Variants in CSMD1 observed in about 807,000 individuals in gnomAD.
CSMD1 encodes CUB and sushi domain-containing protein 1.
CSMD1 carries 213 observed loss-of-function variants against 417.5 expected under a neutral mutation model. That is an observed-to-expected ratio of 0.51 (90% CI 0.46 to 0.57). The LOEUF is 0.57. CSMD1 is among the 20% of genes least tolerant of loss of function. The pLI is 0.00. For synonymous variants in CSMD1, 2,862 were observed against 1,736.8 expected (o/e 1.65, Z -16.11); for missense variants, 6,923 against 4,529.7 (o/e 1.53, Z -15.17).
At chr8:4,612,492 C>A (rs1801234982) in intron 2 of CSMD1, among the ~76,000 whole-genome samples, 1 of 152,150 alleles carries the variant, frequency 6.6e-6, no homozygotes, top group African/African-American at 2.4e-5. Flanking sequence ...TGGAGATGAC[C>A]ACAACAGGCA....
intron 5 of CSMD1, among the ~76,000 whole-genome samples, chr8:3,838,557 GAT>G (rs368287244): frequency 3.0e-5 from 4 of 135,120 alleles, no homozygotes; most frequent in African/African-American, 1.1e-4. Context: ...ACTCTCTGTA[GAT>G]ATATATAGTC....
intron 2 of CSMD1, among the ~76,000 whole-genome samples, chr8:4,631,863 G>C (rs2616992): frequency 1.3e-5 from 2 of 152,064 alleles, no homozygotes; most frequent in African/African-American, 2.4e-5. Flanking sequence ...TATTTCCCTA[G>C]GCCTTGTATT....
intron 12 of CSMD1, among the ~76,000 whole-genome samples, chr8:3,456,052 A>T (rs1816105531): frequency 6.6e-6 from 1 of 152,068 alleles, no homozygotes; most frequent in African/African-American, 2.4e-5. Context: ...TTGCTATTTG[A>T]TCTGAGACTG....
At chr8:3,675,926 G>C (rs766400820) in intron 7 of CSMD1, among the ~76,000 whole-genome samples, 1 of 152,130 alleles carries the variant, frequency 6.6e-6, no homozygotes, top group Non-Finnish European at 1.5e-5. Context: ...CCCATCATTG[G>C]AGAGTAATGT....
intron 5 of CSMD1, among the ~76,000 whole-genome samples, chr8:3,786,081 G>A (rs1333882724): frequency 6.6e-6 from 1 of 152,112 alleles, no homozygotes; most frequent in Non-Finnish European, 1.5e-5. Flanking sequence ...AGGCCTCATT[G>A]AAAGACTGGG....
At chr8:4,122,607 G>A (rs1350121925) in intron 3 of CSMD1, among the ~76,000 whole-genome samples, 16 of 152,162 alleles carry the variant, frequency 1.1e-4, no homozygotes, top group Admixed American at 7.9e-4. Flanking sequence ...GGGCTCTTCT[G>A]CAGAGATGGA....
intron 26 of CSMD1, among the ~76,000 whole-genome samples, chr8:3,263,812 T>C (rs140509298): frequency 3.3e-5 from 5 of 152,334 alleles, no homozygotes; most frequent in Admixed American, 6.5e-5. Context: ...ACTAATAGTT[T>C]TGCTTTCATC....
intron 54 of CSMD1, among the ~76,000 whole-genome samples, chr8:2,981,650 G>A (rs1479726816): frequency 6.6e-6 from 1 of 152,122 alleles, no homozygotes; most frequent in African/African-American, 2.4e-5. Context: ...GATTTTGTCA[G>A]CTGGAAGGAA....
intron 10 of CSMD1, among the ~76,000 whole-genome samples, chr8:3,518,233 A>T (rs538749023): frequency 4.6e-5 from 7 of 152,150 alleles, no homozygotes; most frequent in Admixed American, 1.3e-4. Context: ...TGTAGTTTTA[A>T]TTTTCCTTCA....
intron 3 of CSMD1, among the ~76,000 whole-genome samples, chr8:4,060,525 C>A (rs372756870): frequency 6.6e-6 from 1 of 152,064 alleles, no homozygotes; most frequent in Non-Finnish European, 1.5e-5. Context: ...AAGGGGATGT[C>A]GGAGAAGGAG....
chr8:4,747,746 C>G lies in CSMD1; in HGVS notation c.86-110188G>C, dbSNP rs191527559. 8.1e-3 allele frequency among the ~76,000 whole-genome samples: 1,227 copies of G among 152,192 alleles called. 24 individuals carry two copies. The highest frequency in any genetic ancestry group is 0.028 in the African/African-American group (1,173 of 41,512). The stretch of plus-strand genomic sequence containing the variant: ...AATGAGATGCCAATGTCCTGTGGCC[C>G]AAGCACATCGAATACTGTGTAAAGC... On this transcript the variant is annotated intron_variant, in intron 1 of 69. Transcript: ENST00000635120.
At chr8:4,611,448 T>A (rs1213357913) in intron 2 of CSMD1, among the ~76,000 whole-genome samples, 1 of 152,216 alleles carries the variant, frequency 6.6e-6, no homozygotes, top group Admixed American at 6.5e-5. Context: ...CATTTCTCAG[T>A]GTGTACCATT....
chr8:3,256,820 C>A (rs145793711), intron 26 of CSMD1, among the ~76,000 whole-genome samples: 1 of 152,318 alleles, frequency 6.6e-6, no homozygotes, highest in East Asian at 1.9e-4. Context: ...CTCTGAGTCA[C>A]AGGATTCTTA....
intron 2 of CSMD1, among the ~76,000 whole-genome samples, chr8:4,469,389 G>C (rs569747524): frequency 2.6e-5 from 4 of 152,150 alleles, no homozygotes; most frequent in African/African-American, 7.2e-5. Context: ...AAAACGGCTG[G>C]TGTCAGCATT....
intron 7 of CSMD1, among the ~76,000 whole-genome samples, chr8:3,705,486 A>G (rs1313604722): frequency 6.6e-6 from 1 of 152,198 alleles, no homozygotes; most frequent in East Asian, 1.9e-4. Context: ...CAGTGAACAG[A>G]TAATTCCCTG....
chr8:3,191,651 A>C (rs1162573232), intron 33 of CSMD1, among the ~76,000 whole-genome samples: 1 of 152,132 alleles, frequency 6.6e-6, no homozygotes, highest in Non-Finnish European at 1.5e-5. Flanking sequence ...TGGGTGAGAT[A>C]ACTATTCAGG....
rs137930092 is a variant in CSMD1 at position 4,892,547 on chromosome 8, C to T, written c.85+101785G>A. ...ATAAGGGTAATATTACTTGTACTAGCGTTAGGTATTGCCTAATTATATTTA... is the reference window on the plus strand; with the variant it reads ...ATAAGGGTAATATTACTTGTACTAGTGTTAGGTATTGCCTAATTATATTTA... On this transcript the variant is annotated intron_variant, in intron 1 of 69. Transcript: ENST00000635120. 1.6e-3 allele frequency among the ~76,000 whole-genome samples: 237 copies of T among 152,116 alleles called. 3 individuals carry two copies. Among genetic ancestry groups the T allele is most frequent in the African/African-American group, 5.6e-3 (231 of 41,446 alleles).
At chr8:4,009,874 T>C (rs1463341785) in intron 4 of CSMD1, among the ~76,000 whole-genome samples, 1 of 152,064 alleles carries the variant, frequency 6.6e-6, no homozygotes, top group Non-Finnish European at 1.5e-5. Flanking sequence ...GGTACTCTCG[T>C]ACATCCTTTG....
chr8:3,136,633 T>A (rs532574938), intron 41 of CSMD1, among the ~76,000 whole-genome samples: 50 of 152,176 alleles, frequency 3.3e-4, no homozygotes, highest in African/African-American at 1.1e-3. Context: ...ACCACTGCCA[T>A]TGATAATATT....
Sources: gnomAD v4.1 joint callset for allele counts (sites outside exome capture counted in the v4.1 genomes callset) on GRCh38, gnomAD v4.1.1 for gene constraint, MANE v1.5 for transcripts, NCBI Gene and HGNC (gene_info 2026-07-23, HGNC 2026-07-21) for gene names.